The following LBR variants were observed in gnomAD, a reference collection of about 807,000 sequenced individuals.
The protein encoded by LBR is delta(14)-sterol reductase LBR.
Under a neutral mutation model 74.3 loss-of-function variants are expected in LBR, and 28 were observed. The observed-to-expected ratio is 0.38, with a 90% CI of 0.28 to 0.52. The LOEUF is 0.52. Among genes scored for constraint, LBR ranks in the 20% least tolerant of loss-of-function variants. The pLI is 0.89. For missense variants in LBR, 717 were observed against 760.3 expected (o/e 0.94, Z 0.67); for synonymous variants, 228 against 269.3 (o/e 0.85, Z 1.50).
intron 1 of LBR, among the ~76,000 whole-genome samples, chr1:225,424,444 G>C (rs1429779973): frequency 6.6e-6 from 1 of 152,114 alleles, no homozygotes; most frequent in African/African-American, 2.4e-5. Flanking sequence ...ATTTACAATG[G>C]CTTTAAAAAT....
At position 225,403,061 on chromosome 1, in the gene LBR, C is replaced by T. The variant is rs932603176; in HGVS notation, c.*242G>A. ...TTTTCAGATTAAGGGTTGAAAATTT[C>T]CCATTAAAATGCAAATTCTCACATC... On this transcript the variant is annotated 3_prime_UTR_variant, in exon 14 of 14. Coordinates refer to ENST00000272163, the MANE Select transcript of LBR (RefSeq NM_002296.4). 1 of 499,640 alleles carries T rather than the reference C, an allele frequency of 2.0e-6. No homozygotes were observed. Among genetic ancestry groups the T allele is most frequent in the Non-Finnish European group, 3.6e-6 (1 of 280,190 alleles). The allele number at this position is 499,640 out of a possible 1,614,324, so 31.0% of individuals were successfully genotyped here. A position where few individuals can be genotyped will look rare whatever the true frequency, so the allele number is the denominator to read the frequency against.
rs1306561451 is a variant in LBR at position 225,404,613 on chromosome 1, A to T, written c.1564+13T>A. ...ATGTAATATATATAATATAAACATA[A>T]ATCAATACTTACGTGCAAGCTTTGG... On this transcript the variant is annotated intron_variant, in intron 12 of 13. Transcript: ENST00000272163. 6.3e-7 allele frequency: 1 copy of T among 1,598,516 alleles called. No homozygotes were observed. Among genetic ancestry groups the T allele is most frequent in the African/African-American group, 1.3e-5 (1 of 74,612 alleles).
At chr1:225,424,584 T>G (rs988968825) in intron 1 of LBR, among the ~76,000 whole-genome samples, 23 of 152,212 alleles carry the variant, frequency 1.5e-4, no homozygotes, top group African/African-American at 4.3e-4. Flanking sequence ...ATTCCAAGTC[T>G]GTAATGAATA....
chr1:225,415,057 G>A (rs919356239), intron 7 of LBR, among the ~76,000 whole-genome samples: 1 of 152,186 alleles, frequency 6.6e-6, no homozygotes, highest in Non-Finnish European at 1.5e-5. Context: ...GCACTATTAA[G>A]AAAATAAAAC....
intron 4 of LBR, 118 bp downstream of exon 4, chr1:225,419,597 A>G: frequency 9.7e-7 from 1 of 1,030,686 alleles, no homozygotes; most frequent in East Asian, 2.4e-5. Flanking sequence ...TTAAGGACAG[A>G]ATTTTAGAAC....
Position 225,404,649 on chromosome 1 carries a change from T to C in LBR, c.1541A>G (p.Asn514Ser), listed in dbSNP as rs1320447431. 1 of 1,611,350 alleles carries C rather than the reference T, an allele frequency of 6.2e-7. No individual in the cohort carries two copies. Among genetic ancestry groups the C allele is most frequent in the Non-Finnish European group, 8.5e-7 (1 of 1,179,006 alleles). Residue 514 changes from asparagine to serine, a missense_variant, in exon 12 of 14, where the codon AAT becomes AGT. Transcript: ENST00000272163. ...ANSQKNAFRK[N>S]PSDPKLAHLK... ...ACGTGCAAGCTTTGGATCACTGGGA[T>C]TTTTCCGGAATGCATTTTTCTGAGA...
In LBR at chr1:225,406,818, C is replaced by G. The variant is rs200550770; in HGVS notation, c.1329G>C (p.Thr443=). The change falls in exon 11 of 14, where the codon ACG becomes ACC. Residue 443 remains threonine (T), a synonymous_variant. Transcript: ENST00000272163. ...ATCCATCGTGGATGATGTCCATGGT[C>G]GTCAACAACGCTTCCTATAAGGATA... is the stretch of plus-strand genomic sequence containing the variant. The part of the protein sequence containing the change: ...DALWNEEALL[T]TMDIIHDGFG... The G allele has an allele frequency of 1.1e-5, 17 of 1,614,108 alleles. No homozygotes were observed. The African/African-American group carries it at 1.7e-4, about 16-fold the overall frequency.
chr1:225,427,626 T>TGCC (rs1235996011), intron 1 of LBR: 2 of 152,032 alleles, frequency 1.3e-5, no homozygotes, highest in Non-Finnish European at 2.9e-5. Flanking sequence ...GAACCCTCCC[T>TGCC]GCCGCCGCCG....
At chr1:225,415,544 A>T (rs1425854628) in intron 6 of LBR, among the ~76,000 whole-genome samples, 1 of 152,034 alleles carries the variant, frequency 6.6e-6, no homozygotes, top group Non-Finnish European at 1.5e-5. Context: ...ATTTATCTTA[A>T]ATACAAATTC....
At chr1:225,410,471 C>T (rs1334379472) in intron 9 of LBR, 55 bp from the exon 10 acceptor site, 2 of 1,589,116 alleles carry the variant, frequency 1.3e-6, no homozygotes, top group East Asian at 4.5e-5. Context: ...GAGACCTTAG[C>T]ACTACAAAGG....
Position 225,418,048 on chromosome 1 carries a change from A to T in LBR, c.773T>A (p.Val258Glu). Residue 258 changes from valine (V) to glutamate (E), a missense_variant, in exon 6 of 14, where the codon GTA becomes GAA. Physicochemically the swap from Val to Glu is moderately radical, Grantham distance 121. Coordinates refer to ENST00000272163, the MANE Select transcript of LBR (RefSeq NM_002296.4). ...AAACCACAGGAGGTAGACCCCAAAT[A>T]CTCTGGTTTCCCATAACTCATACAA... ...PALYELWETR[V>E]FGVYLLWFLI... The T allele has an allele frequency of 6.2e-7, 1 of 1,614,154 alleles. No individual in the cohort carries two copies. Among genetic ancestry groups the T allele is most frequent in the Non-Finnish European group, 8.5e-7 (1 of 1,180,026 alleles).
At position 225,404,473 on chromosome 1, in the gene LBR, A is replaced by G; in HGVS notation, c.1618T>C (p.Trp540Arg). 6.2e-7 allele frequency: 1 copy of G among 1,614,072 alleles called. No homozygotes were observed. The highest frequency in any genetic ancestry group is 8.5e-7 in the Non-Finnish European group (1 of 1,179,914). The change falls in exon 13 of 14, where the codon TGG (tryptophan) becomes CGG (arginine). Residue 540 changes from tryptophan to arginine, a missense_variant. By Grantham distance (101) the Trp-to-Arg change is moderately radical. Transcript: ENST00000272163. ...TGKNLLVSGWWGFVRHPNYLG... is the reference protein window; with the variant it reads ...TGKNLLVSGWRGFVRHPNYLG... The stretch of plus-strand genomic sequence containing the variant: ...TAATTGGGGTGGCGAACAAAGCCCC[A>G]CCATCCAGAAACTAGAAGATTTTTT...
At chr1:225,417,251 G>A (rs975188809) in intron 6 of LBR, among the ~76,000 whole-genome samples, 4 of 152,134 alleles carry the variant, frequency 2.6e-5, no homozygotes, top group African/African-American at 7.2e-5. Flanking sequence ...GCATTCACCA[G>A]TAAAACCGAT....
intron 11 of LBR, 21 bp downstream of exon 11, chr1:225,406,643 G>A: frequency 6.3e-7 from 1 of 1,597,876 alleles, no homozygotes. Context: ...AAATTAAACT[G>A]AGACTAAAAT....
intron 3 of LBR, among the ~76,000 whole-genome samples, chr1:225,420,646 G>T (rs2096126006): frequency 6.6e-6 from 1 of 152,052 alleles, no homozygotes; most frequent in African/African-American, 2.4e-5. Flanking sequence ...AAAATGAAAG[G>T]ATAACAAAGT....
At chr1:225,415,976 G>A (rs1411517313) in intron 6 of LBR, among the ~76,000 whole-genome samples, 1 of 152,112 alleles carries the variant, frequency 6.6e-6, no homozygotes, top group Non-Finnish European at 1.5e-5. Context: ...GTCAAGGTGG[G>A]AGGATCACTT....
rs148490735 is a variant in LBR at position 225,409,519 on chromosome 1, G to A, written c.1314+772C>T. Among the ~76,000 whole-genome samples, 844 of 152,298 alleles carry A rather than the reference G, an allele frequency of 5.5e-3. 32 individuals are homozygous for A. Among genetic ancestry groups the A allele is most frequent in the Admixed American group, 0.052 (795 of 15,302 alleles). ...AAGGTCTTCTCTCAAAATGTCAGCA[G>A]ATTGTCTCAACAGACTGTCACTAAA... On this transcript the variant is annotated intron_variant, in intron 10 of 13. Coordinates refer to ENST00000272163, the MANE Select transcript of LBR (RefSeq NM_002296.4).
At chr1:225,428,484 A>G (rs1374132386), upstream of LBR, among the ~76,000 whole-genome samples, 1 of 152,074 alleles carries the variant, frequency 6.6e-6, no homozygotes, top group Non-Finnish European at 1.5e-5. Flanking sequence ...GTGATCACCA[A>G]AGATCCGAGC....
chr1:225,427,518 T>A (rs993969838), intron 1 of LBR: 1 of 150,816 alleles, frequency 6.6e-6, no homozygotes, highest in Non-Finnish European at 1.5e-5. Context: ...CCTGTCAGCC[T>A]CCTACTGCAG....
Sources: gnomAD v4.1 joint callset for allele counts (sites outside exome capture counted in the v4.1 genomes callset) on GRCh38, gnomAD v4.1.1 for gene constraint, MANE v1.5 for transcripts, NCBI Gene and HGNC (gene_info 2026-07-23, HGNC 2026-07-21) for gene names.